The following FAM13B variants were observed in gnomAD, a reference collection of about 807,000 sequenced individuals.
FAM13B encodes the protein protein FAM13B.
Under a neutral mutation model 117.3 loss-of-function variants are expected in FAM13B, and 60 were observed. That is an observed-to-expected ratio of 0.51 (90% confidence interval 0.42 to 0.63). FAM13B has a LOEUF of 0.63. Among genes scored for constraint, FAM13B ranks in the 30% least tolerant of loss-of-function variants. FAM13B has a pLI of 0.00. For missense variants in FAM13B, 972 were observed against 1,091.9 expected, an observed-to-expected ratio of 0.89 and a Z score of 1.55; for synonymous variants, 332 against 356.1, an observed-to-expected ratio of 0.93 and a Z score of 0.76.
At chr5:137,966,113 C>T (rs1201599170) in intron 10 of FAM13B, among the ~76,000 whole-genome samples, 1 of 150,254 alleles carries the variant, frequency 6.7e-6, no homozygotes, top group Non-Finnish European at 1.5e-5. Flanking sequence ...AAAAAAAATT[C>T]TATTTTGCAA....
At chr5:137,961,280 CAGTTGA>C (rs1768025203) in intron 11 of FAM13B, among the ~76,000 whole-genome samples, 1 of 150,422 alleles carries the variant, frequency 6.6e-6, no homozygotes, top group Admixed American at 6.7e-5. Context: ...AACTTATACA[CAGTTGA>C]AGTTGAAGAG....
At chr5:137,974,922 G>A (rs148056700) in intron 10 of FAM13B, among the ~76,000 whole-genome samples, 71 of 152,266 alleles carry the variant, frequency 4.7e-4, no homozygotes, top group African/African-American at 1.7e-3. Flanking sequence ...GATATTCTGT[G>A]AAGTGAAAAT....
At chr5:138,015,777 T>C (rs1285073044) in intron 4 of FAM13B, among the ~76,000 whole-genome samples, 3 of 152,200 alleles carry the variant, frequency 2.0e-5, no homozygotes, top group African/African-American at 7.2e-5. Context: ...TCTAGACACC[T>C]TCCCAAAATA....
intron 1 of FAM13B, among the ~76,000 whole-genome samples, chr5:138,046,111 C>T (rs893307850): frequency 6.6e-6 from 1 of 152,144 alleles, no homozygotes; most frequent in Admixed American, 6.6e-5. Context: ...AAGGCTCACA[C>T]GATCTGGTGG....
At chr5:138,044,122 T>A (rs140859616) in intron 1 of FAM13B, among the ~76,000 whole-genome samples, 2 of 151,790 alleles carry the variant, frequency 1.3e-5, no homozygotes, top group Non-Finnish European at 2.9e-5. Flanking sequence ...AGAGACAAAG[T>A]CTTGCTATGT....
At chr5:138,016,603 C>A (rs1785323014) in intron 4 of FAM13B, among the ~76,000 whole-genome samples, 1 of 152,178 alleles carries the variant, frequency 6.6e-6, no homozygotes. Context: ...CACTGCACTC[C>A]AGCCTGGGCG....
At chr5:138,020,004 A>T (rs1056422818) in intron 2 of FAM13B, 1 of 980,234 alleles carries the variant, frequency 1.0e-6, no homozygotes, top group Non-Finnish European at 1.2e-6. Context: ...TAAAAAAGAA[A>T]TTTTTCATTT....
At chr5:138,009,732 G>A (rs543641639) in intron 6 of FAM13B, among the ~76,000 whole-genome samples, 87 of 145,004 alleles carry the variant, frequency 6.0e-4, no homozygotes, top group Middle Eastern at 8.2e-3. Context: ...TTGAACCTGG[G>A]AGACAGGGGT....
rs1396522793 is a variant in FAM13B at position 137,939,218 on chromosome 5, T to C, written c.*1007A>G. On this transcript the variant is annotated 3_prime_UTR_variant, in exon 24 of 24. Transcript: ENST00000689681. Reference sequence around the variant, plus strand: ...TTGGTATGGATTTTGCTGATTAAAATAGGAGGGGAAAAAAAAAAAGATAAC... The same window carrying C: ...TTGGTATGGATTTTGCTGATTAAAACAGGAGGGGAAAAAAAAAAAGATAAC... The C allele has an allele frequency of 6.6e-6, 1 of 150,396 alleles. No individual in the cohort carries two copies. Among genetic ancestry groups the C allele is most frequent in the East Asian group, 1.9e-4 (1 of 5,152 alleles). The allele number at this position is 150,396 out of a possible 1,614,324, so 9.3% of individuals were successfully genotyped here. A position where few individuals can be genotyped will look rare whatever the true frequency, so the allele number is the denominator to read the frequency against.
At chr5:137,976,526 C>T (rs796960379) in intron 10 of FAM13B, among the ~76,000 whole-genome samples, 5 of 152,294 alleles carry the variant, frequency 3.3e-5, no homozygotes, top group African/African-American at 1.2e-4. Context: ...CATAACCTAT[C>T]AGCCAGAAGG....
chr5:137,958,623 T>C (rs1404838083), intron 13 of FAM13B, among the ~76,000 whole-genome samples: 2 of 152,248 alleles, frequency 1.3e-5, no homozygotes, highest in Non-Finnish European at 2.9e-5. Flanking sequence ...TGAATGAATA[T>C]GTAACTATCC....
intron 6 of FAM13B, among the ~76,000 whole-genome samples, chr5:138,007,396 T>C (rs752734517): frequency 3.2e-4 from 49 of 152,200 alleles, no homozygotes; most frequent in Non-Finnish European, 5.9e-4. Flanking sequence ...TATTAGTATA[T>C]TGCAAAATTA....
In FAM13B at chr5:137,985,246, A is replaced by G; in HGVS notation, c.1179+11T>C. ...GTTGTACATCTAACACATATTTTTG[A>G]CATTCCTTACCTGGGTATTTTCTTC... On this transcript the variant is annotated intron_variant, in intron 10 of 23. Transcript: ENST00000689681. The G allele has an allele frequency of 1.2e-6, 2 of 1,610,490 alleles. No homozygotes were observed. The highest frequency in any genetic ancestry group is 1.7e-6 in the Non-Finnish European group (2 of 1,178,732).
At chr5:137,954,059 T>C in intron 15 of FAM13B, 107 bp downstream of exon 15, 2 of 561,066 alleles carry the variant, frequency 3.6e-6, no homozygotes, top group East Asian at 3.2e-5. Context: ...TTTTTTTTTT[T>C]TGAGATGGAG....
chr5:138,002,082 T>C (rs1399431753), intron 7 of FAM13B, among the ~76,000 whole-genome samples: 1 of 151,772 alleles, frequency 6.6e-6, no homozygotes, highest in African/African-American at 2.4e-5. Context: ...CTCTGAAGAG[T>C]TCAGAGAAAA....
At chr5:137,964,007 G>A (rs1768930231) in intron 10 of FAM13B, among the ~76,000 whole-genome samples, 1 of 152,060 alleles carries the variant, frequency 6.6e-6, no homozygotes, top group South Asian at 2.1e-4. Flanking sequence ...CATTCTGAAG[G>A]TTTCTGGGCA....
intron 10 of FAM13B, among the ~76,000 whole-genome samples, chr5:137,963,613 C>T (rs757149458): frequency 5.9e-5 from 9 of 152,178 alleles, no homozygotes; most frequent in Non-Finnish European, 1.2e-4. Flanking sequence ...AATCAGACTT[C>T]GGTAACTTTT....
intron 10 of FAM13B, among the ~76,000 whole-genome samples, chr5:137,971,046 G>A (rs1338339089): frequency 6.6e-6 from 1 of 151,796 alleles, no homozygotes; most frequent in Non-Finnish European, 1.5e-5. Flanking sequence ...ACATTAGACA[G>A]ATCAACGAGA....
At chr5:137,962,582 G>T in intron 10 of FAM13B, 113 bp from the exon 11 acceptor site, 1 of 821,364 alleles carries the variant, frequency 1.2e-6, no homozygotes, top group Non-Finnish European at 2.0e-6. Context: ...CCCCTAATTA[G>T]CTATCATTTA....
Sources: gnomAD v4.1 joint callset for allele counts (sites outside exome capture counted in the v4.1 genomes callset) on GRCh38, gnomAD v4.1.1 for gene constraint, MANE v1.5 for transcripts, NCBI Gene and HGNC (gene_info 2026-07-23, HGNC 2026-07-21) for gene names.